The following WDSUB1 variants were observed in gnomAD, a reference collection of about 807,000 sequenced individuals.
WDSUB1 encodes the protein WD repeat, sterile alpha motif and U-box domain containing 1, also known as WD repeat, SAM and U-box domain-containing protein 1.
In WDSUB1, 49 loss-of-function variants were observed where a neutral mutation model predicts 53.9. The ratio of observed to expected loss-of-function variants is 0.91; its 90% CI spans 0.72 to 1.15. The LOEUF (loss-of-function observed/expected upper bound fraction) is 1.15, where lower values mean the gene tolerates loss of function less well. Ranked by LOEUF, WDSUB1 falls within the 50% of genes most tolerant of loss-of-function variation. The probability of loss-of-function intolerance (pLI) is 0.00; values close to 1 mark genes in which losing one functional copy is unlikely to be tolerated. For missense variants in WDSUB1, 514 were observed against 562.0 expected, an observed-to-expected ratio of 0.91 and a Z score of 0.86; for synonymous variants, 194 against 200.6, an observed-to-expected ratio of 0.97 and a Z score of 0.28.
chr2:159,244,823 G>C (rs551662924), intron 10 of WDSUB1, among the ~76,000 whole-genome samples: 2 of 152,254 alleles, frequency 1.3e-5, no homozygotes, highest in East Asian at 3.9e-4. Context: ...CCAGCTACTT[G>C]GCAGGCTGAG....
chr2:159,236,316 C>G (rs934117027), intron 10 of WDSUB1, 126 bp from the exon 11 acceptor site: 1 of 922,818 alleles, frequency 1.1e-6, no homozygotes. Flanking sequence ...TCCTGTCTTG[C>G]TTGTACCAGC....
intron 5 of WDSUB1, among the ~76,000 whole-genome samples, chr2:159,268,970 T>C (rs6432525): frequency 0.57 from 86,886 of 151,818 alleles, 26,176 homozygotes; most frequent in African/African-American, 0.72. Context: ...GAATGAAGCA[T>C]AGGAAACAGG....
chr2:159,246,431 C>CA (rs35443297), intron 10 of WDSUB1, among the ~76,000 whole-genome samples: 79,141 of 116,980 alleles, frequency 0.68, 30,143 homozygotes, highest in Non-Finnish European at 0.86. Flanking sequence ...GAGTCTGTCT[C>CA]AAAAAAAAAA....
Position 159,259,799 on chromosome 2 carries a change from T to C in WDSUB1, c.804+11A>G. 6.6e-7 allele frequency: 1 copy of C among 1,521,146 alleles called. No individual in the cohort carries two copies. The highest frequency in any genetic ancestry group is 8.9e-7 in the Non-Finnish European group (1 of 1,119,928). The allele number at this position is 1,521,146 out of a possible 1,614,324, so 94.2% of individuals were successfully genotyped here. A position where few individuals can be genotyped will look rare whatever the true frequency, so the allele number is the denominator to read the frequency against. ...CTTTCATAGATCACCACAAGATTTT[T>C]AAATACTTACAGTATCATATACTAT... On this transcript the variant is annotated intron_variant, in intron 6 of 10. Coordinates refer to ENST00000359774, the MANE Select transcript of WDSUB1 (RefSeq NM_001128212.3).
At chr2:159,262,994 T>C (rs1219738350) in intron 5 of WDSUB1, among the ~76,000 whole-genome samples, 1 of 152,196 alleles carries the variant, frequency 6.6e-6, no homozygotes, top group Non-Finnish European at 1.5e-5. Flanking sequence ...TTCAACCTTT[T>C]GATACTCCAT....
At chr2:159,264,276 T>G (rs1053724107) in intron 5 of WDSUB1, among the ~76,000 whole-genome samples, 1 of 152,226 alleles carries the variant, frequency 6.6e-6, no homozygotes, top group Non-Finnish European at 1.5e-5. Context: ...GATACACAGA[T>G]GGCAACGTGT....
chr2:159,256,053 T>C, intron 9 of WDSUB1, 143 bp downstream of exon 9: 1 of 682,100 alleles, frequency 1.5e-6, no homozygotes, highest in Non-Finnish European at 2.3e-6. Context: ...ACTTCACAGC[T>C]GCTAGGATGG....
chr2:159,282,654 G>A lies in WDSUB1; in HGVS notation c.398+18C>T, dbSNP rs769216716. On this transcript the variant is annotated intron_variant, in intron 2 of 10. Coordinates refer to ENST00000359774, the MANE Select transcript of WDSUB1 (RefSeq NM_001128212.3). ...CTAGTCAACAGGATTAAAACAGGAAGGATTTAAATATCCATACCTATATAA... is the reference window on the plus strand; with the variant it reads ...CTAGTCAACAGGATTAAAACAGGAAAGATTTAAATATCCATACCTATATAA... The A allele has an allele frequency of 6.3e-7, 1 of 1,589,748 alleles. No individual in the cohort carries two copies. Among genetic ancestry groups the A allele is most frequent in the East Asian group, 2.3e-5 (1 of 44,340 alleles).
intron 9 of WDSUB1, among the ~76,000 whole-genome samples, chr2:159,249,582 C>G (rs1366597086): frequency 6.6e-6 from 1 of 152,184 alleles, no homozygotes; most frequent in Non-Finnish European, 1.5e-5. Flanking sequence ...TTGAGGATGT[C>G]TGAAAACATC....
chr2:159,261,882 ATATATATATATATATTTT>A (rs2061218615), intron 5 of WDSUB1, among the ~76,000 whole-genome samples: 1 of 19,882 alleles, frequency 5.0e-5, no homozygotes, highest in African/African-American at 3.0e-4. Flanking sequence ...ATATATATAT[ATATATATATATATATTTT>A]TTTTTTTTTT....
At chr2:159,247,909 AAATATATATATAT>A (rs2060846181) in intron 10 of WDSUB1, among the ~76,000 whole-genome samples, 1 of 17,450 alleles carries the variant, frequency 5.7e-5, no homozygotes, top group Non-Finnish European at 1.3e-4. Flanking sequence ...ATATATATAT[AAATATATATATAT>A]ATATAAATAT....
Position 159,253,567 on chromosome 2 carries a change from A to G in WDSUB1, c.1132+2629T>C, listed in dbSNP as rs529724232. 4.8e-5 allele frequency among the ~76,000 whole-genome samples: 6 copies of G among 125,336 alleles called. No homozygotes were observed. The South Asian group carries it at 1.3e-3, about 28-fold the overall frequency. 82.2% of individuals were successfully genotyped at this position (125,336 alleles called of 152,430 possible). On this transcript the variant is annotated intron_variant, in intron 9 of 10. Coordinates refer to ENST00000359774, the MANE Select transcript of WDSUB1 (RefSeq NM_001128212.3). ...ATACGACTTTGGTCTCAAACCCTCC[A>G]ATGTACTTTACTGTACAATTAATCA...
At chr2:159,242,829 T>C (rs1318786408) in intron 10 of WDSUB1, among the ~76,000 whole-genome samples, 2 of 147,966 alleles carry the variant, frequency 1.4e-5, no homozygotes, top group Non-Finnish European at 1.5e-5. Context: ...ACTTTCATAA[T>C]TTAAAAGTAT....
At chr2:159,255,085 G>A (rs561977958) in intron 9 of WDSUB1, among the ~76,000 whole-genome samples, 10 of 151,936 alleles carry the variant, frequency 6.6e-5, no homozygotes, top group Admixed American at 3.3e-4. Context: ...AGCTGTGATC[G>A]CACCACTGCA....
At chr2:159,245,745 A>G (rs1347379738) in intron 10 of WDSUB1, among the ~76,000 whole-genome samples, 1 of 152,206 alleles carries the variant, frequency 6.6e-6, no homozygotes, top group East Asian at 1.9e-4. Flanking sequence ...CAAAAATGTG[A>G]AATAAGTCCT....
intron 5 of WDSUB1, among the ~76,000 whole-genome samples, chr2:159,261,896 ATTTTTTTTTTTTTTTTTTTTT>A (rs869067609): frequency 8.3e-3 from 187 of 22,588 alleles, no homozygotes; most frequent in African/African-American, 0.044. Flanking sequence ...ATATATATAT[ATTTTTTTTTTTTTTTTTTTTT>A]TTTTTTTTTT....
At chr2:159,241,141 TC>T (rs2060634596) in intron 10 of WDSUB1, among the ~76,000 whole-genome samples, 1 of 152,130 alleles carries the variant, frequency 6.6e-6, no homozygotes, top group Non-Finnish European at 1.5e-5. Context: ...AGTGGGCAGA[TC>T]AGGTTTAGGA....
intron 5 of WDSUB1, among the ~76,000 whole-genome samples, chr2:159,270,455 TG>T (rs1171209624): frequency 1.3e-5 from 2 of 152,102 alleles, no homozygotes; most frequent in Admixed American, 6.5e-5. Flanking sequence ...ATATAAAGCC[TG>T]GGAGAGACAG....
Position 159,256,350 on chromosome 2 carries a change from C to G in WDSUB1, c.978G>C (p.Lys326Asn). Residue 326 changes from lysine (K) to asparagine (N), a missense_variant, in exon 9 of 11, where the codon AAG becomes AAC. Coordinates refer to ENST00000359774, the MANE Select transcript of WDSUB1 (RefSeq NM_001128212.3). ...CQARRTEHQL[K>N]QFTEDWSEED... ...CCTCTGACCAATCTTCGGTAAATTG[C>G]TTCAGCTGATGTTCTGTGCGCCTTG... The G allele has an allele frequency of 6.2e-7, 1 of 1,611,932 alleles. No individual in the cohort carries two copies. Among genetic ancestry groups the G allele is most frequent in the South Asian group, 1.1e-5 (1 of 90,312 alleles).
Sources: gnomAD v4.1 joint callset for allele counts (sites outside exome capture counted in the v4.1 genomes callset) on GRCh38, gnomAD v4.1.1 for gene constraint, MANE v1.5 for transcripts, NCBI Gene and HGNC (gene_info 2026-07-23, HGNC 2026-07-21) for gene names.